Variants in INSR observed in about 807,000 individuals in gnomAD.
INSR encodes the protein IR.
In INSR, 67 loss-of-function variants were observed where a neutral mutation model predicts 142.6. The observed-to-expected ratio is 0.47, with a 90% CI of 0.39 to 0.58. The LOEUF (loss-of-function observed/expected upper bound fraction) is 0.58, where lower values mean the gene tolerates loss of function less well. Among genes scored for constraint, INSR ranks in the 20% least tolerant of loss-of-function variants. The probability of loss-of-function intolerance (pLI) is 0.00; values close to 1 mark genes in which losing one functional copy is unlikely to be tolerated. For missense variants in INSR, 1,248 were observed against 1,833.2 expected (o/e 0.68, Z 5.83); for synonymous variants, 756 against 743.1 (o/e 1.02, Z -0.28).
In INSR at chr19:7,267,303, A is replaced by G. The variant is rs141915681; in HGVS notation, c.652+42T>C. The G allele has an allele frequency of 3.8e-6, 6 of 1,598,276 alleles. No individual in the cohort carries two copies. Among genetic ancestry groups the G allele is most frequent in the Non-Finnish European group, 5.1e-6 (6 of 1,166,352 alleles). On this transcript the variant is annotated intron_variant, in intron 2 of 21. Coordinates refer to ENST00000302850, the MANE Select transcript of INSR (RefSeq NM_000208.4). This position sits in a 1 kb window ranked among gnomAD's most constrained non-coding sequence, Gnocchi z 6.3. ...TAAAACATTTTAAGCTTTCTAGAAC[A>G]AGGCACGAGACACTGCTTAGAACCC... is the stretch of plus-strand genomic sequence containing the variant.
intron 2 of INSR, among the ~76,000 whole-genome samples, chr19:7,187,960 C>T (rs78848097): frequency 0.025 from 3,841 of 152,216 alleles, 152 homozygotes; most frequent in African/African-American, 0.082. Flanking sequence ...TCCCTACAGG[C>T]CTTGGGGGGT....
chr19:7,124,541 GAAAAAAAAAAAAAAAAAAA>G (rs531613079), intron 17 of INSR, among the ~76,000 whole-genome samples: 14 of 9,922 alleles, frequency 1.4e-3, no homozygotes, highest in East Asian at 4.5e-3. Flanking sequence ...TCCGTTTCAG[GAAAAAAAAAAAAAAAAAAA>G]AAAAAAAAAA....
At chr19:7,178,954 G>C (rs920600322) in intron 3 of INSR, among the ~76,000 whole-genome samples, 1 of 152,132 alleles carries the variant, frequency 6.6e-6, no homozygotes, top group Admixed American at 6.5e-5. Flanking sequence ...TCTGCCACCC[G>C]GGCTGGGGTG....
At chr19:7,135,978 A>G (rs998698543) in intron 13 of INSR, among the ~76,000 whole-genome samples, 1 of 151,388 alleles carries the variant, frequency 6.6e-6, no homozygotes, top group Admixed American at 6.6e-5. Context: ...AAAAAAAAAA[A>G]AGAAAGAATG....
intron 2 of INSR, among the ~76,000 whole-genome samples, chr19:7,218,209 C>G (rs901993828): frequency 6.6e-6 from 1 of 151,852 alleles, no homozygotes; most frequent in African/African-American, 2.4e-5. Flanking sequence ...CTGGTTGTTG[C>G]AACCAGTGTG....
intron 13 of INSR, among the ~76,000 whole-genome samples, chr19:7,138,425 A>AGT (rs1972991691): frequency 6.6e-6 from 1 of 152,034 alleles, no homozygotes; most frequent in South Asian, 2.1e-4. Flanking sequence ...CCCAGTCTGC[A>AGT]GTGTAGTGAG....
intron 2 of INSR, among the ~76,000 whole-genome samples, chr19:7,204,623 G>A (rs1461609655): frequency 1.3e-5 from 2 of 152,178 alleles, no homozygotes; most frequent in African/African-American, 4.8e-5. Flanking sequence ...CCTTGCAGCT[G>A]CTCTTTGTCC....
At chr19:7,139,748 A>G (rs994049708) in intron 13 of INSR, among the ~76,000 whole-genome samples, 1 of 152,038 alleles carries the variant, frequency 6.6e-6, no homozygotes, top group East Asian at 1.9e-4. Flanking sequence ...TTCAGTAAGG[A>G]CACTTTCTAT....
rs1292350981 is a variant in INSR at position 7,114,457 on chromosome 19, A to G, written c.*2599T>C. 6.6e-6 allele frequency: 1 copy of G among 152,266 alleles called. No homozygotes were observed. Among genetic ancestry groups the G allele is most frequent in the African/African-American group, 2.4e-5 (1 of 41,452 alleles). The allele number at this position is 152,266 out of a possible 1,614,324, so 9.4% of individuals were successfully genotyped here. A position where few individuals can be genotyped will look rare whatever the true frequency, so the allele number is the denominator to read the frequency against. On this transcript the variant is annotated 3_prime_UTR_variant, in exon 22 of 22. Coordinates refer to ENST00000302850, the MANE Select transcript of INSR (RefSeq NM_000208.4). Reference sequence around the variant, plus strand: ...AAAGGAAGATTAAATTCAGAGAAGAATATTACCAGCCAGGAAGAAAAGGAT... The same window carrying G: ...AAAGGAAGATTAAATTCAGAGAAGAGTATTACCAGCCAGGAAGAAAAGGAT...
intron 10 of INSR, chr19:7,151,824 A>G (rs11879819): frequency 0.95 from 145,112 of 152,292 alleles, 69,188 homozygotes; most frequent in East Asian, 1. Context: ...ACAGGGTCTC[A>G]CTCTGTCACC....
At chr19:7,139,553 C>T (rs1295716182) in intron 13 of INSR, among the ~76,000 whole-genome samples, 1 of 152,026 alleles carries the variant, frequency 6.6e-6, no homozygotes, top group Non-Finnish European at 1.5e-5. Context: ...GGCATATGCA[C>T]GTTTCTGCCA....
intron 2 of INSR, among the ~76,000 whole-genome samples, chr19:7,238,866 C>T (rs1976247291): frequency 7.0e-6 from 1 of 142,596 alleles, no homozygotes; most frequent in East Asian, 2.1e-4. Flanking sequence ...CTTGGGCAGC[C>T]ACAAACAGAT....
intron 14 of INSR, among the ~76,000 whole-genome samples, chr19:7,130,493 T>C (rs1456530533): frequency 6.6e-6 from 1 of 152,208 alleles, no homozygotes; most frequent in Non-Finnish European, 1.5e-5. Context: ...GATTGGATCA[T>C]GGAGGCGGTT....
chr19:7,144,394 C>T (rs1003802763), intron 11 of INSR, among the ~76,000 whole-genome samples: 12 of 151,866 alleles, frequency 7.9e-5, no homozygotes, highest in African/African-American at 2.9e-4. Context: ...CTCACTTAAC[C>T]ATCCTCCTTA....
At chr19:7,270,931 G>A (rs749399904) in intron 1 of INSR, among the ~76,000 whole-genome samples, 6 of 151,360 alleles carry the variant, frequency 4.0e-5, no homozygotes, top group South Asian at 2.1e-4. Context: ...GCGTGGTGGC[G>A]GGCACCCGTA....
At chr19:7,176,588 G>A (rs1358900774) in intron 3 of INSR, among the ~76,000 whole-genome samples, 4 of 152,124 alleles carry the variant, frequency 2.6e-5, no homozygotes, top group African/African-American at 9.7e-5. Flanking sequence ...GTGACAGAGT[G>A]AGAATCTGTC....
At chr19:7,123,048 T>C in intron 17 of INSR, 59 bp from the exon 18 acceptor site, 1 of 1,237,982 alleles carries the variant, frequency 8.1e-7, no homozygotes, top group Non-Finnish European at 1.2e-6. Context: ...TCACCAGGGT[T>C]CTCCTCCCTC....
chr19:7,249,520 T>G (rs1976640743), intron 2 of INSR, among the ~76,000 whole-genome samples: 1 of 152,030 alleles, frequency 6.6e-6, no homozygotes, highest in South Asian at 2.1e-4. Flanking sequence ...TCATATAGCT[T>G]TATCACTCAA....
rs1972263548 is a variant in INSR, at chr19:7,114,039, T to C, written c.*3017A>G. The C allele has an allele frequency of 8.9e-6, 1 of 111,956 alleles. No individual in the cohort carries two copies. The highest frequency in any genetic ancestry group is 3.5e-5 in the African/African-American group (1 of 28,828). The allele number at this position is 111,956 out of a possible 1,614,324, so 6.9% of individuals were successfully genotyped here. ...CAAACCCCAACACAGAGGTCCAAGG[T>C]GTTGTTGCAAAAAAAAAAAAAAAAA... is the stretch of plus-strand genomic sequence containing the variant. On this transcript the variant is annotated 3_prime_UTR_variant, in exon 22 of 22. Transcript: ENST00000302850.
Sources: gnomAD v4.1 joint callset for allele counts (sites outside exome capture counted in the v4.1 genomes callset) on GRCh38, gnomAD v4.1.1 for gene constraint, Gnocchi (gnomAD v3.1) non-coding constraint, MANE v1.5 for transcripts, NCBI Gene and HGNC (gene_info 2026-07-23, HGNC 2026-07-21) for gene names.